The following ABCA1 variants were observed in gnomAD, a reference collection of about 807,000 sequenced individuals.
ABCA1 encodes the protein ATP binding cassette subfamily A member 1.
Under a neutral mutation model 262.5 loss-of-function variants are expected in ABCA1, and 133 were observed. The ratio of observed to expected loss-of-function variants is 0.51; its 90% CI spans 0.44 to 0.59. The LOEUF is 0.59. ABCA1 is among the 20% of genes least tolerant of loss of function. The probability of loss-of-function intolerance (pLI) is 0.00; values close to 1 mark genes in which losing one functional copy is unlikely to be tolerated. For synonymous variants in ABCA1, 1,022 were observed against 1,043.5 expected (o/e 0.98, Z 0.40); for missense variants, 2,452 against 2,777.5 (o/e 0.88, Z 2.63).
At position 104,785,628 on chromosome 9, in the gene ABCA1, C is replaced by T; in HGVS notation, c.6413G>A (p.Gly2138Asp). The change falls in exon 49 of 50, where the codon GGT (glycine) becomes GAT (aspartate). Residue 2138 changes from glycine (G) to aspartate (D), a missense_variant. Physicochemically the swap from Gly to Asp is moderately conservative, Grantham distance 94. Transcript: ENST00000374736. ...VQHLKNRFGD[G>D]YTIVVRIAGS... ...TGCTATTCGTACAACTATTGTATAA[C>T]CATCTCCAAACCTGAAAGCAGGAAA... 1 of 1,614,006 alleles carries T rather than the reference C, an allele frequency of 6.2e-7. No homozygotes were observed. The highest frequency in any genetic ancestry group is 8.5e-7 in the Non-Finnish European group (1 of 1,179,974).
intron 1 of ABCA1, among the ~76,000 whole-genome samples, chr9:104,923,402 A>C (rs1314558227): frequency 6.6e-6 from 1 of 152,232 alleles, no homozygotes; most frequent in Non-Finnish European, 1.5e-5. Context: ...AATTGAGTTG[A>C]GTAAATTTTA....
At chr9:104,819,004 C>G in intron 22 of ABCA1, 121 bp from the exon 23 acceptor site, 1 of 927,476 alleles carries the variant, frequency 1.1e-6, no homozygotes, top group Non-Finnish European at 1.7e-6. Context: ...TGGAAGCCAC[C>G]TTTCACCCTG....
At chr9:104,889,074 G>T in intron 3 of ABCA1, 28 bp downstream of exon 3, 2 of 1,593,238 alleles carry the variant, frequency 1.3e-6, no homozygotes, top group South Asian at 1.1e-5. Context: ...CCATTGGTGA[G>T]TCTCAGGCAA....
intron 30 of ABCA1, among the ~76,000 whole-genome samples, chr9:104,808,138 T>C (rs1038263283): frequency 3.3e-5 from 5 of 152,120 alleles, no homozygotes; most frequent in African/African-American, 7.2e-5. Context: ...TTGCAAAACC[T>C]AAAAATTTGA....
At chr9:104,831,220 T>TC (rs1279633647) in intron 13 of ABCA1, 119 bp from the exon 14 acceptor site, 3 of 995,114 alleles carry the variant, frequency 3.0e-6, no homozygotes, top group Non-Finnish European at 4.3e-6. Context: ...TATTTTTGTA[T>TC]CTTTTTTTTT....
At chr9:104,788,173 T>G in intron 45 of ABCA1, 119 bp from the exon 46 acceptor site, 3 of 1,261,908 alleles carry the variant, frequency 2.4e-6, no homozygotes, top group South Asian at 2.4e-5. Flanking sequence ...AATCATAACC[T>G]GACAACTGGT....
At chr9:104,890,261 CT>C (rs926982968) in intron 2 of ABCA1, among the ~76,000 whole-genome samples, 1 of 152,206 alleles carries the variant, frequency 6.6e-6, no homozygotes, top group African/African-American at 2.4e-5. Flanking sequence ...TATAAAATCC[CT>C]TTTTGTCTTC....
intron 11 of ABCA1, among the ~76,000 whole-genome samples, chr9:104,835,986 C>T (rs1247248116): frequency 6.6e-6 from 1 of 152,180 alleles, no homozygotes; most frequent in African/African-American, 2.4e-5. Flanking sequence ...CCAGGAAGAA[C>T]AGGTCTGAAA....
chr9:104,846,101 A>G (rs982942155), intron 7 of ABCA1, among the ~76,000 whole-genome samples: 1 of 152,280 alleles, frequency 6.6e-6, no homozygotes, highest in African/African-American at 2.4e-5. Context: ...TCAAATCTTT[A>G]TATGTACCAA....
intron 13 of ABCA1, 31 bp from the exon 14 acceptor site, chr9:104,831,132 C>G: frequency 1.4e-6 from 2 of 1,436,990 alleles, no homozygotes; most frequent in Non-Finnish European, 1.9e-6. Context: ...ATCAACCATT[C>G]CTTTAGAACC....
rs1246272839 is a variant in ABCA1 at position 104,867,056 on chromosome 9, C to T, written c.422-5256G>A. 3.9e-5 allele frequency among the ~76,000 whole-genome samples: 6 copies of T among 152,038 alleles called. No individual in the cohort carries two copies. In the East Asian group the frequency reaches 9.6e-4, roughly 24 times the overall value. Reference sequence around the variant, plus strand: ...GACCTGATGTGATTTGGGGAATTGCCGATTGCAGAGAAGAAAATTCACCTT... The same window carrying T: ...GACCTGATGTGATTTGGGGAATTGCTGATTGCAGAGAAGAAAATTCACCTT... On this transcript the variant is annotated intron_variant, in intron 5 of 49. Coordinates refer to ENST00000374736, the MANE Select transcript of ABCA1 (RefSeq NM_005502.4).
At chr9:104,906,412 G>A (rs1841137938) in intron 1 of ABCA1, among the ~76,000 whole-genome samples, 1 of 152,126 alleles carries the variant, frequency 6.6e-6, no homozygotes, top group Admixed American at 6.5e-5. Flanking sequence ...TAAAGTGTCT[G>A]GGTTTCAAGA....
At chr9:104,838,120 G>T (rs1331818476) in intron 9 of ABCA1, among the ~76,000 whole-genome samples, 2 of 151,718 alleles carry the variant, frequency 1.3e-5, no homozygotes, top group Non-Finnish European at 2.9e-5. Flanking sequence ...GAGGTTGGGA[G>T]TTCGAGACCA....
rs1333392298 is a variant in ABCA1 at position 104,903,727 on chromosome 9, G to A, written c.-48C>T. Reference sequence around the variant, plus strand: ...GCGTGTGGCTCGGGAGCCCTGGAAGGCAGCGGCCAGAGCTCACAGCAGGGA... The same window carrying A: ...GCGTGTGGCTCGGGAGCCCTGGAAGACAGCGGCCAGAGCTCACAGCAGGGA... On this transcript the variant is annotated 5_prime_UTR_variant, in exon 2 of 50. Transcript: ENST00000374736. 1 of 1,542,110 alleles carries A rather than the reference G, an allele frequency of 6.5e-7. No individual in the cohort carries two copies. Among genetic ancestry groups the A allele is most frequent in the South Asian group, 1.2e-5 (1 of 84,102 alleles).
chr9:104,838,724 C>T (rs1834072074), intron 9 of ABCA1, among the ~76,000 whole-genome samples: 1 of 151,902 alleles, frequency 6.6e-6, no homozygotes, highest in Non-Finnish European at 1.5e-5. Context: ...GGTTATCCAG[C>T]AGGATCCCTG....
intron 11 of ABCA1, among the ~76,000 whole-genome samples, chr9:104,835,381 C>T (rs1221521527): frequency 6.6e-6 from 1 of 152,096 alleles, no homozygotes; most frequent in African/African-American, 2.4e-5. Context: ...CACTGCAGAC[C>T]TCAGTAGCCA....
intron 5 of ABCA1, among the ~76,000 whole-genome samples, chr9:104,869,044 AAGGAG>A (rs1335059760): frequency 2.0e-5 from 3 of 151,784 alleles, no homozygotes; most frequent in Non-Finnish European, 4.4e-5. Context: ...AGAAGGAGGA[AAGGAG>A]AGGAGGGAGA....
Position 104,888,058 on chromosome 9 carries a change from GGT to G in ABCA1, c.160+1042_160+1043del, listed in dbSNP as rs10693809. 3.1e-3 allele frequency among the ~76,000 whole-genome samples: 429 copies of G among 139,998 alleles called. 2 individuals are homozygous for G. Among genetic ancestry groups the G allele is most frequent in the African/African-American group, 7.5e-3 (250 of 33,502 alleles). 91.8% of individuals were successfully genotyped at this position (139,998 alleles called of 152,430 possible). On this transcript the variant is annotated intron_variant, in intron 3 of 49. Coordinates refer to ENST00000374736, the MANE Select transcript of ABCA1 (RefSeq NM_005502.4). ...ACGTCTCAGAAAATGTTTCTTGAGGGGTGTGTGTGTGTGTGTGTGTGTGTGTG... is the reference window on the plus strand; with the variant it reads ...ACGTCTCAGAAAATGTTTCTTGAGGGGTGTGTGTGTGTGTGTGTGTGTGTG...
intron 5 of ABCA1, among the ~76,000 whole-genome samples, chr9:104,880,342 A>G (rs1352141711): frequency 6.6e-6 from 1 of 152,092 alleles, no homozygotes; most frequent in Non-Finnish European, 1.5e-5. Context: ...ATTCGCAATC[A>G]GCAAAAAGTT....
Sources: gnomAD v4.1 joint callset for allele counts (sites outside exome capture counted in the v4.1 genomes callset) on GRCh38, gnomAD v4.1.1 for gene constraint, MANE v1.5 for transcripts, NCBI Gene and HGNC (gene_info 2026-07-23, HGNC 2026-07-21) for gene names.